ZNF44: variants seen among roughly 807,000 people sequenced by gnomAD.
ZNF44 encodes the protein gonadotropin inducible transcription repressor-2.
ZNF44 carries 9 observed loss-of-function variants against 11.7 expected under a neutral mutation model. The observed-to-expected ratio is 0.77, with a 90% CI of 0.46 to 1.35. The LOEUF (loss-of-function observed/expected upper bound fraction) is 1.35, where lower values mean the gene tolerates loss of function less well. Ranked by LOEUF, ZNF44 falls within the 40% of genes most tolerant of loss-of-function variation. ZNF44 has a pLI of 0.00. For synonymous variants in ZNF44, 224 were observed against 242.7 expected, an observed-to-expected ratio of 0.92 and a Z score of 0.72; for missense variants, 696 against 743.1, an observed-to-expected ratio of 0.94 and a Z score of 0.74.
exon 4 of ZNF44, chr19:12,226,260 G>A (rs1915913662): frequency 6.6e-6 from 1 of 152,172 alleles, no homozygotes; most frequent in Non-Finnish European, 1.5e-5. Context: ...GGCAAGGCCA[G>A]CCATAGATTT....
downstream of ZNF44, among the ~76,000 whole-genome samples, chr19:12,267,821 T>C (rs931208749): frequency 1.3e-5 from 2 of 148,560 alleles, no homozygotes; most frequent in East Asian, 2.0e-4. Context: ...AAGTCTCACC[T>C]TGACAGATTG....
At chr19:12,250,488 T>C in intron 5 of ZNF44, 1 of 928,606 alleles carries the variant, frequency 1.1e-6, no homozygotes, top group Non-Finnish European at 1.4e-6. Flanking sequence ...ATTCTATGAA[T>C]TTGTTGTCAG....
intron 5 of ZNF44, among the ~76,000 whole-genome samples, chr19:12,256,353 G>A (rs1446728755): frequency 6.6e-6 from 1 of 152,002 alleles, no homozygotes; most frequent in East Asian, 2.0e-4. Flanking sequence ...GCCAGGCATG[G>A]TGGTGTATGC....
At chr19:12,294,657 GC>G in intron 1 of ZNF44, 34 bp downstream of exon 1, 1 of 1,553,966 alleles carries the variant, frequency 6.4e-7, no homozygotes, top group South Asian at 1.2e-5. Context: ...CCAGCCCTTC[GC>G]CCTGCCTCAG....
intron 1 of ZNF44, chr19:12,293,453 G>A: frequency 7.4e-7 from 1 of 1,352,572 alleles, no homozygotes; most frequent in Non-Finnish European, 9.7e-7. Context: ...GCCTAGGGGA[G>A]ATAAAAGAGG....
At chr19:12,277,295 AAG>A (rs773152853) in intron 1 of ZNF44, among the ~76,000 whole-genome samples, 4 of 152,204 alleles carry the variant, frequency 2.6e-5, no homozygotes, top group African/African-American at 4.8e-5. Flanking sequence ...AGACTAATAA[AAG>A]AGATTTTACC....
chr19:12,257,896 G>C (rs905992421), intron 5 of ZNF44, among the ~76,000 whole-genome samples: 1 of 151,644 alleles, frequency 6.6e-6, no homozygotes, highest in Non-Finnish European at 1.5e-5. Context: ...ACTTGAACCC[G>C]GCTGGTGGAG....
In ZNF44 at chr19:12,292,853, A is replaced by AG. The variant is rs1389673622; in HGVS notation, c.3+1838dup. Among the ~76,000 whole-genome samples the AG allele has an allele frequency of 2.4e-3, 249 of 102,502 alleles. 1 individual carries two copies. Among genetic ancestry groups the AG allele is most frequent in the African/African-American group, 8.6e-3 (220 of 25,658 alleles). The allele number at this position is 102,502 out of a possible 152,430, so 67.2% of individuals were successfully genotyped here. On this transcript the variant is annotated intron_variant, in intron 1 of 3. Coordinates refer to ENST00000355684, the MANE Select transcript of ZNF44 (RefSeq NM_016264.4). ...AAAAAATGTCAATGTCCCAGAGGTT[A>AG]GGTTTTTTTTTTTTTTTTTTTTTTT... is the stretch of plus-strand genomic sequence containing the variant.
rs147322179 is a variant in ZNF44 at position 12,281,256 on chromosome 19, A to G, written c.4-5174T>C. 1.3e-3 allele frequency among the ~76,000 whole-genome samples: 198 copies of G among 152,336 alleles called. 1 individual carries two copies. Among genetic ancestry groups the G allele is most frequent in the African/African-American group, 4.6e-3 (191 of 41,574 alleles). On this transcript the variant is annotated intron_variant, in intron 1 of 3. Transcript: ENST00000355684. The stretch of plus-strand genomic sequence containing the variant: ...TATGCGATCAAATCATATTAGAATT[A>G]ATGTAAAAATTAGTAACAGAAGCAT...
chr19:12,289,522 T>C lies in ZNF44; in HGVS notation c.3+5170A>G, dbSNP rs114343263. On this transcript the variant is annotated intron_variant, in intron 1 of 3. Transcript: ENST00000355684. ...ATCCTGCCCTCTCCCTCTCATTTCC[T>C]TTGTAATGTTGGTTGCTCTTCACCT... 7.5e-3 allele frequency among the ~76,000 whole-genome samples: 1,144 copies of C among 152,196 alleles called. 15 individuals are homozygous for C. Among genetic ancestry groups the C allele is most frequent in the African/African-American group, 0.026 (1,073 of 41,524 alleles).
At chr19:12,247,709 A>G (rs1916813594) in exon 8 of ZNF44, 1 of 1,351,532 alleles carries the variant, frequency 7.4e-7, no homozygotes, top group Non-Finnish European at 9.8e-7. Context: ...TCTCTCCAGT[A>G]TGAGTCCTTT....
chr19:12,264,155 C>T (rs557819617), intron 5 of ZNF44, among the ~76,000 whole-genome samples: 1 of 152,246 alleles, frequency 6.6e-6, no homozygotes, highest in East Asian at 1.9e-4. Context: ...CAATTACAAC[C>T]CCAGAAGTAT....
exon 8 of ZNF44, chr19:12,248,453 C>T (rs1327600686): frequency 7.7e-6 from 10 of 1,290,820 alleles, no homozygotes; most frequent in East Asian, 5.5e-5. Context: ...ATTTATATGG[C>T]TTCTCTCCAT....
intron 1 of ZNF44, among the ~76,000 whole-genome samples, chr19:12,236,517 T>A (rs1293406382): frequency 6.6e-6 from 1 of 152,174 alleles, no homozygotes. Flanking sequence ...AAAAGTGGCC[T>A]AAGATGGCTG....
chr19:12,273,011 T>G lies in ZNF44; in HGVS notation c.1244A>C (p.His415Pro), dbSNP rs374088191. 2.5e-5 allele frequency: 41 copies of G among 1,614,020 alleles called. No homozygotes were observed. The highest frequency in any genetic ancestry group is 2.2e-5 in the East Asian group (1 of 44,890). Residue 415 changes from histidine to proline, a missense_variant, in exon 4 of 4, where the codon CAC becomes CCC. Physicochemically the swap from His to Pro is moderately conservative, Grantham distance 77 (BLOSUM62 -2). Coordinates refer to ENST00000355684, the MANE Select transcript of ZNF44 (RefSeq NM_016264.4). ...GCATTCATAGGGTTTCTCTCCAGTG[T>G]GAGTCCTTTCATGTCTTTGAAATAC... is the stretch of plus-strand genomic sequence containing the variant. ...PSVFQRHERT[H>P]TGEKPYECKQ...
At chr19:12,252,152 T>G (rs1408413023) in intron 5 of ZNF44, among the ~76,000 whole-genome samples, 1 of 152,068 alleles carries the variant, frequency 6.6e-6, no homozygotes, top group Non-Finnish European at 1.5e-5. Flanking sequence ...TAAAAGGTTC[T>G]CAGCAGAGGT....
intron 5 of ZNF44, chr19:12,266,374 C>CT (rs1323453922): frequency 1.0e-6 from 1 of 979,310 alleles, no homozygotes; most frequent in Non-Finnish European, 1.2e-6. Flanking sequence ...ACCCTCAGCA[C>CT]TTTCAGAGAA....
intron 2 of ZNF44, among the ~76,000 whole-genome samples, chr19:12,275,537 A>G (rs1164920482): frequency 6.6e-6 from 1 of 152,058 alleles, no homozygotes; most frequent in Non-Finnish European, 1.5e-5. Context: ...AGTCCCAGCT[A>G]CTCAGGAGGC....
downstream of ZNF44, among the ~76,000 whole-genome samples, chr19:12,268,230 C>T (rs558885473): frequency 4.7e-4 from 72 of 151,702 alleles, 3 homozygotes; most frequent in South Asian, 0.014. Flanking sequence ...ACATCTGATG[C>T]TAACTTTGTA....
Sources: allele counts gnomAD v4.1 joint callset (sites outside exome capture counted in the v4.1 genomes callset), GRCh38; gene constraint gnomAD v4.1.1; transcripts MANE v1.5; gene names NCBI Gene and HGNC (gene_info 2026-07-23, HGNC 2026-07-21).